ZNF486: variants seen among roughly 807,000 people sequenced by gnomAD.
The protein encoded by ZNF486 is KRAB box only protein 2.
In ZNF486, 12 loss-of-function variants were observed where a neutral mutation model predicts 12.8. That is an observed-to-expected ratio of 0.94 (90% CI 0.60 to 1.52). ZNF486 has a LOEUF of 1.52. Among genes scored for constraint, ZNF486 ranks in the 40% most tolerant of loss-of-function variants. The probability of loss-of-function intolerance (pLI) is 0.00; values close to 1 mark genes in which losing one functional copy is unlikely to be tolerated. For synonymous variants in ZNF486, 231 were observed against 184.9 expected, an observed-to-expected ratio of 1.25 and a Z score of -2.02; for missense variants, 738 against 545.0, an observed-to-expected ratio of 1.35 and a Z score of -3.53.
At chr19:20,177,249 C>T (rs943699322) in intron 1 of ZNF486, among the ~76,000 whole-genome samples, 8 of 152,340 alleles carry the variant, frequency 5.3e-5, no homozygotes, top group South Asian at 2.1e-4. Flanking sequence ...AGAGCCACTC[C>T]TCTAAACTGT....
chr19:20,172,059 C>T (rs527366806), intron 1 of ZNF486, among the ~76,000 whole-genome samples: 2 of 151,772 alleles, frequency 1.3e-5, no homozygotes, highest in Non-Finnish European at 2.9e-5. Context: ...GGCTGGAGTG[C>T]AATGGTGCAA....
At chr19:20,182,649 CTG>C (rs1218080618) in intron 1 of ZNF486, among the ~76,000 whole-genome samples, 3 of 152,054 alleles carry the variant, frequency 2.0e-5, no homozygotes, top group African/African-American at 4.8e-5. Context: ...TTGCTGGTGT[CTG>C]TGGCAGGGAG....
At chr19:20,176,644 G>T (rs1250148624) in intron 1 of ZNF486, 5 of 163,658 alleles carry the variant, frequency 3.1e-5, no homozygotes, top group African/African-American at 9.6e-5. Context: ...CCAACACAGC[G>T]AAACCCCGTC....
chr19:20,169,667 T>C (rs1215103273), intron 1 of ZNF486, among the ~76,000 whole-genome samples: 1 of 152,032 alleles, frequency 6.6e-6, no homozygotes, highest in Non-Finnish European at 1.5e-5. Context: ...AAAAATGAAT[T>C]AGTATTGGAA....
chr19:20,195,977 TTTC>T (rs2089954559), intron 3 of ZNF486, among the ~76,000 whole-genome samples: 1 of 152,198 alleles, frequency 6.6e-6, no homozygotes, highest in Non-Finnish European at 1.5e-5. Flanking sequence ...TGTGCCAATG[TTTC>T]TTGTTTTTTA....
At chr19:20,187,971 G>A (rs2089867205) in intron 3 of ZNF486, among the ~76,000 whole-genome samples, 3 of 152,122 alleles carry the variant, frequency 2.0e-5, no homozygotes, top group African/African-American at 7.2e-5. Context: ...GGCTTGGGTA[G>A]TTGTACTTCT....
At chr19:20,174,850 C>T (rs1383710824) in intron 1 of ZNF486, among the ~76,000 whole-genome samples, 2 of 152,098 alleles carry the variant, frequency 1.3e-5, no homozygotes, top group Non-Finnish European at 2.9e-5. Context: ...TGAGTAAACA[C>T]AATTTTAGTG....
chr19:20,177,523 G>A (rs782572961), intron 1 of ZNF486, among the ~76,000 whole-genome samples: 8 of 152,210 alleles, frequency 5.3e-5, no homozygotes, highest in African/African-American at 1.2e-4. Flanking sequence ...TGTCATTGCA[G>A]TCTCTTAAGC....
chr19:20,186,059 A>G lies in ZNF486; in HGVS notation c.230A>G (p.His77Arg), dbSNP rs369197950. 1.1e-5 allele frequency: 17 copies of G among 1,594,306 alleles called. No individual in the cohort carries two copies. In the African/African-American group the frequency reaches 1.9e-4, roughly 18 times the overall value. Residue 77 changes from histidine to arginine, a missense_variant, in exon 3 of 4, where the codon CAT becomes CGT. Coordinates refer to ENST00000335117, the MANE Select transcript of ZNF486 (RefSeq NM_052852.4). ...ATAAAACCTCTGACTATGAAGAGAC[A>G]TGAGATGATTGCCAAACCCCCAGGT... ...QGIKPLTMKR[H>R]EMIAKPPVVC...
At chr19:20,172,233 C>T (rs1555713991) in intron 1 of ZNF486, among the ~76,000 whole-genome samples, 1 of 151,912 alleles carries the variant, frequency 6.6e-6, no homozygotes, top group East Asian at 1.9e-4. Flanking sequence ...AAAGTTCCAA[C>T]CTCAGGTGAT....
chr19:20,178,139 G>T (rs1363650093), intron 1 of ZNF486, among the ~76,000 whole-genome samples: 3 of 151,236 alleles, frequency 2.0e-5, no homozygotes, highest in African/African-American at 7.3e-5. Context: ...TGTTGGCCAG[G>T]CTGGTCTAGA....
chr19:20,196,931 A>T, intron 3 of ZNF486, 33 bp from the exon 4 acceptor site: 1 of 1,515,918 alleles, frequency 6.6e-7, no homozygotes, highest in Non-Finnish European at 8.8e-7. Flanking sequence ...GAGTCTAGCA[A>T]TTGAAGTAAT....
At chr19:20,175,919 C>T (rs1210260334) in intron 1 of ZNF486, among the ~76,000 whole-genome samples, 2 of 151,290 alleles carry the variant, frequency 1.3e-5, no homozygotes, top group East Asian at 2.0e-4. Context: ...TGGGCAGAGG[C>T]GCCCCTCACC....
rs782462015 is a variant in ZNF486, at chr19:20,167,286, T to C, written c.-45T>C. 1 of 1,612,062 alleles carries C rather than the reference T, an allele frequency of 6.2e-7. No homozygotes were observed. The highest frequency in any genetic ancestry group is 8.5e-7 in the Non-Finnish European group (1 of 1,178,228). On this transcript the variant is annotated 5_prime_UTR_variant, in exon 1 of 4. Coordinates refer to ENST00000335117, the MANE Select transcript of ZNF486 (RefSeq NM_052852.4). ...GTCCTCTGCTCCTAGAGGCCCACCC[T>C]CTGTGGCCCTGTGTCCTGTAGGTAT...
chr19:20,170,674 G>C (rs1555713763), intron 1 of ZNF486, among the ~76,000 whole-genome samples: 1 of 152,172 alleles, frequency 6.6e-6, no homozygotes. Context: ...TGTGTGACAG[G>C]TAAGAAAAGA....
chr19:20,172,422 C>T, intron 1 of ZNF486, among the ~76,000 whole-genome samples: 1 of 152,038 alleles, frequency 6.6e-6, no homozygotes. Flanking sequence ...CCTCAGCCTC[C>T]TGAGTAGCTG....
At chr19:20,194,957 T>A (rs944387054) in intron 3 of ZNF486, among the ~76,000 whole-genome samples, 2 of 152,234 alleles carry the variant, frequency 1.3e-5, no homozygotes, top group Admixed American at 6.5e-5. Flanking sequence ...ATTTTTTATA[T>A]CCACGATTTT....
At chr19:20,181,983 G>A (rs1555715657) in intron 1 of ZNF486, among the ~76,000 whole-genome samples, 1 of 152,134 alleles carries the variant, frequency 6.6e-6, no homozygotes, top group East Asian at 1.9e-4. Flanking sequence ...CATTGCATTA[G>A]TACTTGTGTA....
At chr19:20,193,943 T>TA (rs1309502403) in intron 3 of ZNF486, among the ~76,000 whole-genome samples, 1 of 152,164 alleles carries the variant, frequency 6.6e-6, no homozygotes, top group African/African-American at 2.4e-5. Context: ...TTGAATGTGG[T>TA]AAAAAAATTA....
Sources: gnomAD v4.1 joint callset for allele counts (sites outside exome capture counted in the v4.1 genomes callset) on GRCh38, gnomAD v4.1.1 for gene constraint, MANE v1.5 for transcripts, NCBI Gene and HGNC (gene_info 2026-07-23, HGNC 2026-07-21) for gene names.